The following SDK1 variants were observed in gnomAD, a reference collection of about 807,000 sequenced individuals.
SDK1 encodes sidekick cell adhesion molecule 1, also known as protein sidekick-1.
Under a neutral mutation model 245.5 loss-of-function variants are expected in SDK1, and 157 were observed. That is an observed-to-expected ratio of 0.64 (90% CI 0.56 to 0.73). The LOEUF is 0.73. Ranked by LOEUF, SDK1 falls within the 30% of genes least tolerant of loss-of-function variation. The probability of loss-of-function intolerance (pLI) is 0.00; values close to 1 mark genes in which losing one functional copy is unlikely to be tolerated. For synonymous variants in SDK1, 1,647 were observed against 1,278.5 expected (o/e 1.29, Z -6.15); for missense variants, 3,583 against 3,002.3 (o/e 1.19, Z -4.52).
intron 4 of SDK1, among the ~76,000 whole-genome samples, chr7:3,720,302 GA>G (rs990683093): frequency 6.6e-6 from 1 of 151,396 alleles, no homozygotes; most frequent in Non-Finnish European, 1.5e-5. Context: ...TGCAGACATG[GA>G]AAAAAAATTT....
At chr7:3,780,071 T>C (rs1273357336) in intron 4 of SDK1, among the ~76,000 whole-genome samples, 1 of 151,856 alleles carries the variant, frequency 6.6e-6, no homozygotes, top group Non-Finnish European at 1.5e-5. Flanking sequence ...GACTAGAATA[T>C]CTTTTTGAAA....
At chr7:4,208,055 A>C in intron 36 of SDK1, 44 bp from the exon 37 acceptor site, 1 of 1,488,118 alleles carries the variant, frequency 6.7e-7, no homozygotes, top group Admixed American at 1.9e-5. Context: ...GCTTACTGGA[A>C]GGCTTCCCCA....
chr7:3,951,625 C>T (rs973571595), intron 6 of SDK1, 105 bp from the exon 7 acceptor site: 3 of 967,234 alleles, frequency 3.1e-6, no homozygotes, highest in Admixed American at 2.0e-5. Flanking sequence ...ACCATGCACC[C>T]TGGTAGCATT....
chr7:4,132,332 C>A lies in SDK1; in HGVS notation c.4137C>A (p.Gly1379=). 6.2e-7 allele frequency: 1 copy of A among 1,610,954 alleles called. No homozygotes were observed. Among genetic ancestry groups the A allele is most frequent in the East Asian group, 2.2e-5 (1 of 44,752 alleles). ...TGTGGTTTTTCCCTTCAGCCCCAGG[C>A]CCACCAGTGAGGCTCGTGTTCCCCG... ...ILERTKDDAP[G]PPVRLVFPEV... is the part of the protein sequence containing the mutation. Residue 1379 remains glycine (G), a synonymous_variant, in exon 28 of 45, where the codon GGC becomes GGA. Coordinates refer to ENST00000404826, the MANE Select transcript of SDK1 (RefSeq NM_152744.4).
intron 13 of SDK1, among the ~76,000 whole-genome samples, chr7:3,980,694 A>G (rs1783332414): frequency 6.6e-6 from 1 of 152,268 alleles, no homozygotes. Flanking sequence ...CTGTAATCGC[A>G]GCACTTTGGG....
chr7:4,187,188 C>G (rs748011198), intron 35 of SDK1, among the ~76,000 whole-genome samples: 1 of 152,106 alleles, frequency 6.6e-6, no homozygotes, highest in East Asian at 1.9e-4. Flanking sequence ...GCAGGGGGCA[C>G]CTGAGGGAGT....
intron 5 of SDK1, among the ~76,000 whole-genome samples, chr7:3,827,997 A>G (rs1330026492): frequency 6.6e-6 from 1 of 152,184 alleles, no homozygotes; most frequent in Non-Finnish European, 1.5e-5. Context: ...CTATATGACA[A>G]CAGGGCGCAT....
chr7:3,833,559 C>T (rs1349925065), intron 5 of SDK1, among the ~76,000 whole-genome samples: 1 of 152,160 alleles, frequency 6.6e-6, no homozygotes, highest in Admixed American at 6.5e-5. Context: ...AGACTTATAT[C>T]CTCATTAGTC....
intron 4 of SDK1, among the ~76,000 whole-genome samples, chr7:3,651,562 A>G (rs1308750537): frequency 6.6e-6 from 1 of 152,232 alleles, no homozygotes; most frequent in Non-Finnish European, 1.5e-5. Flanking sequence ...CAAGAGATCT[A>G]GAGGACAGAG....
At chr7:3,617,881 T>C (rs1202025823) in intron 1 of SDK1, among the ~76,000 whole-genome samples, 4 of 152,166 alleles carry the variant, frequency 2.6e-5, no homozygotes, top group Non-Finnish European at 4.4e-5. Flanking sequence ...ATTCAGACCG[T>C]AACTCTAGGA....
chr7:3,357,436 G>T (rs1185123806), intron 1 of SDK1, among the ~76,000 whole-genome samples: 1 of 138,454 alleles, frequency 7.2e-6, no homozygotes, highest in Non-Finnish European at 1.5e-5. Context: ...TGCAGCCTCA[G>T]TCTCCCTGGG....
At chr7:4,123,230 G>A (rs1195144348) in intron 25 of SDK1, among the ~76,000 whole-genome samples, 1 of 152,188 alleles carries the variant, frequency 6.6e-6, no homozygotes, top group Non-Finnish European at 1.5e-5. Flanking sequence ...TTTGCAGACA[G>A]GGACAGAGGT....
chr7:3,466,776 T>C (rs1455495026), intron 1 of SDK1, among the ~76,000 whole-genome samples: 2 of 151,598 alleles, frequency 1.3e-5, no homozygotes, highest in Non-Finnish European at 2.9e-5. Context: ...CCCCACCCCT[T>C]CTCTAAAGCA....
In SDK1 at chr7:3,619,058, G is replaced by A; in HGVS notation, c.299-22G>A. 5 of 1,531,950 alleles carry A rather than the reference G, an allele frequency of 3.3e-6. No homozygotes were observed. In the South Asian group the frequency reaches 6.0e-5, roughly 18 times the overall value. 94.9% of individuals were successfully genotyped at this position (1,531,950 alleles called of 1,614,324 possible). A position where few individuals can be genotyped will look rare whatever the true frequency, so the allele number is the denominator to read the frequency against. ...TTCATGCGTACTTCAGTTTTGTTTT[G>A]TTTTGTTTTTTAATATTTCAGATGA... On this transcript the variant is annotated intron_variant, in intron 1 of 44. Coordinates refer to ENST00000404826, the MANE Select transcript of SDK1 (RefSeq NM_152744.4).
intron 44 of SDK1, among the ~76,000 whole-genome samples, chr7:4,246,965 C>T (rs929372): frequency 0.27 from 41,289 of 152,114 alleles, 5,946 homozygotes; most frequent in African/African-American, 0.34. Flanking sequence ...CCTACAGGTG[C>T]ACCATCTCCG....
intron 5 of SDK1, among the ~76,000 whole-genome samples, chr7:3,855,009 G>A (rs114065913): frequency 5.3e-5 from 8 of 152,058 alleles, no homozygotes; most frequent in South Asian, 2.1e-4. Context: ...GACCCTGTAC[G>A]TCCTAATCCA....
intron 5 of SDK1, among the ~76,000 whole-genome samples, chr7:3,910,092 A>G (rs556095072): frequency 6.6e-6 from 1 of 152,214 alleles, no homozygotes; most frequent in Non-Finnish European, 1.5e-5. Context: ...TGCAGGGGGA[A>G]AAAGAAAAAG....
chr7:3,948,643 G>C (rs1265138637), intron 5 of SDK1, among the ~76,000 whole-genome samples: 5 of 152,204 alleles, frequency 3.3e-5, no homozygotes, highest in Non-Finnish European at 7.3e-5. Context: ...CCCCGTGATG[G>C]ATGGATGTGT....
chr7:4,025,505 G>A (rs1407246802), intron 17 of SDK1, among the ~76,000 whole-genome samples: 2 of 152,136 alleles, frequency 1.3e-5, no homozygotes, highest in Non-Finnish European at 2.9e-5. Flanking sequence ...TTCACCTGCC[G>A]CTAGAGGACA....
Sources: allele counts gnomAD v4.1 joint callset (sites outside exome capture counted in the v4.1 genomes callset), GRCh38; gene constraint gnomAD v4.1.1; transcripts MANE v1.5; gene names NCBI Gene and HGNC (gene_info 2026-07-23, HGNC 2026-07-21).